Variants in SUPT3H observed in about 807,000 individuals in gnomAD.
SUPT3H encodes the protein transcription initiation protein SPT3 homolog.
Under a neutral mutation model 44.3 loss-of-function variants are expected in SUPT3H, and 44 were observed. The observed-to-expected ratio is 0.99, with a 90% CI of 0.78 to 1.28. SUPT3H has a LOEUF of 1.28. Among genes scored for constraint, SUPT3H ranks in the 50% most tolerant of loss-of-function variants. The pLI is 0.00. For missense variants in SUPT3H, 380 were observed against 387.1 expected (o/e 0.98, Z 0.15); for synonymous variants, 124 against 125.6 (o/e 0.99, Z 0.09).
chr6:44,889,634 C>T lies in SUPT3H; in HGVS notation c.912+43019G>A, dbSNP rs574510553. Among the ~76,000 whole-genome samples the T allele has an allele frequency of 4.6e-4, 70 of 152,232 alleles. 1 individual carries two copies. In the South Asian group the frequency reaches 7.5e-3, roughly 16 times the overall value. ...ATTCAAGATGGATTAAAGACTTAAA[C>T]GTTAGACCTAAAACCATAAAAACCC... On this transcript the variant is annotated intron_variant, in intron 10 of 10. Transcript: ENST00000371459.
At chr6:45,210,402 C>G (rs1238935188) in intron 2 of SUPT3H, among the ~76,000 whole-genome samples, 1 of 152,174 alleles carries the variant, frequency 6.6e-6, no homozygotes, top group African/African-American at 2.4e-5. Flanking sequence ...GCATAAGTGA[C>G]TATTCCTCTA....
At chr6:45,178,937 G>C (rs1313763722) in intron 2 of SUPT3H, among the ~76,000 whole-genome samples, 5 of 151,614 alleles carry the variant, frequency 3.3e-5, no homozygotes, top group Non-Finnish European at 7.4e-5. Flanking sequence ...GAAATTTATA[G>C]CACTAAATGC....
intron 1 of SUPT3H, among the ~76,000 whole-genome samples, chr6:45,370,355 G>C (rs1199216974): frequency 6.6e-6 from 1 of 152,020 alleles, no homozygotes; most frequent in Non-Finnish European, 1.5e-5. Flanking sequence ...GTTGAATGGT[G>C]GTGCCATTTA....
chr6:45,115,839 A>G (rs1800765253), intron 2 of SUPT3H, among the ~76,000 whole-genome samples: 1 of 152,194 alleles, frequency 6.6e-6, no homozygotes, highest in Non-Finnish European at 1.5e-5. Context: ...AGAATTTTCA[A>G]AGTTCCCACA....
At chr6:44,930,911 A>C (rs1276902545) in intron 10 of SUPT3H, among the ~76,000 whole-genome samples, 10 of 152,192 alleles carry the variant, frequency 6.6e-5, no homozygotes, top group African/African-American at 2.4e-4. Context: ...CTTAAAGTGC[A>C]TTTTTATCAT....
chr6:45,129,459 G>A (rs1261963520), intron 2 of SUPT3H, among the ~76,000 whole-genome samples: 1 of 152,054 alleles, frequency 6.6e-6, no homozygotes, highest in Non-Finnish European at 1.5e-5. Flanking sequence ...CAAATTCTTG[G>A]TTTCCTTGTG....
At chr6:44,935,506 G>T (rs1284937155) in intron 9 of SUPT3H, among the ~76,000 whole-genome samples, 1 of 152,060 alleles carries the variant, frequency 6.6e-6, no homozygotes, top group African/African-American at 2.4e-5. Flanking sequence ...ACAAAATACT[G>T]AGTCCTGTTT....
At position 45,011,801 on chromosome 6, in the gene SUPT3H, T is replaced by G. The variant is rs976503797; in HGVS notation, c.364+3000A>C. Among the ~76,000 whole-genome samples the G allele has an allele frequency of 2.2e-4, 33 of 152,250 alleles. 1 individual carries two copies. Among genetic ancestry groups the G allele is most frequent in the Non-Finnish European group, 3.2e-4 (22 of 67,992 alleles). On this transcript the variant is annotated intron_variant, in intron 5 of 10. Transcript: ENST00000371459. Reference sequence around the variant, plus strand: ...ATGTACTTAATTATCTTTATAAATGTGTGGATTCAAATTATTTGGTGCAGC... The same window carrying G: ...ATGTACTTAATTATCTTTATAAATGGGTGGATTCAAATTATTTGGTGCAGC...
Position 44,953,415 on chromosome 6 carries a change from T to C in SUPT3H, c.696A>G (p.Leu232=). The C allele has an allele frequency of 1.9e-6, 3 of 1,613,108 alleles. No individual in the cohort carries two copies. Among genetic ancestry groups the C allele is most frequent in the Non-Finnish European group, 2.5e-6 (3 of 1,179,120 alleles). ...AYLAYETVAQ[L]VDLALLVRQD... is the part of the protein sequence containing the mutation. ...GCCTCACAAGAAGAGCCAGATCCAC[T>C]AACTAGAAGACCAGAAGAATGAAAG... The change falls in exon 9 of 11, where the codon TTA becomes TTG. Residue 232 remains leucine, a splice_region_variant and synonymous_variant. Coordinates refer to ENST00000371459, the MANE Select transcript of SUPT3H (RefSeq NM_003599.4).
At chr6:44,993,937 C>T (rs1780932238) in intron 6 of SUPT3H, among the ~76,000 whole-genome samples, 3 of 152,114 alleles carry the variant, frequency 2.0e-5, no homozygotes, top group African/African-American at 7.2e-5. Flanking sequence ...GAAGCTAATT[C>T]AATGACCCTG....
At position 45,334,624 on chromosome 6, in the gene SUPT3H, C is replaced by T. The variant is rs146734546; in HGVS notation, c.101+30577G>A. ...TGTATTTTTACACCGAAACAAAATA[C>T]GTGTCATATATGTTCAACTTAAATT... On this transcript the variant is annotated intron_variant, in intron 2 of 10. Coordinates refer to ENST00000371459, the MANE Select transcript of SUPT3H (RefSeq NM_003599.4). Among the ~76,000 whole-genome samples, 395 of 151,100 alleles carry T rather than the reference C, an allele frequency of 2.6e-3. 3 individuals are homozygous for T. Among genetic ancestry groups the T allele is most frequent in the African/African-American group, 8.7e-3 (359 of 41,426 alleles).
chr6:44,921,820 T>C (rs539178560), intron 10 of SUPT3H, among the ~76,000 whole-genome samples: 6 of 152,352 alleles, frequency 3.9e-5, no homozygotes, highest in Non-Finnish European at 7.3e-5. Context: ...TAGGCCAGGC[T>C]GTGAACTTCT....
chr6:45,377,743 C>T (rs73444688), intron 1 of SUPT3H, 25 bp downstream of exon 1: 26,029 of 152,298 alleles, frequency 0.17, 3,333 homozygotes, highest in African/African-American at 0.36. Flanking sequence ...CGAATCCCCG[C>T]ACCGCCCCCC....
rs369820995 is a variant in SUPT3H, at chr6:45,312,689, G to C, written c.101+52512C>G. Among the ~76,000 whole-genome samples, 9 of 136,604 alleles carry C rather than the reference G, an allele frequency of 6.6e-5. 1 individual carries two copies. Among genetic ancestry groups the C allele is most frequent in the East Asian group, 2.3e-4 (1 of 4,280 alleles). 89.6% of individuals were successfully genotyped at this position (136,604 alleles called of 152,430 possible). On this transcript the variant is annotated intron_variant, in intron 2 of 10. Coordinates refer to ENST00000371459, the MANE Select transcript of SUPT3H (RefSeq NM_003599.4). Reference sequence around the variant, plus strand: ...GACAGCAACACAATAATGTGGGGGGGGGGGGGGACTTCAATACTCCACTGA... The same window carrying C: ...GACAGCAACACAATAATGTGGGGGGCGGGGGGGACTTCAATACTCCACTGA...
At chr6:45,019,975 A>G (rs1159942543) in intron 4 of SUPT3H, among the ~76,000 whole-genome samples, 1 of 152,016 alleles carries the variant, frequency 6.6e-6, no homozygotes, top group Non-Finnish European at 1.5e-5. Context: ...GCAAAATTAG[A>G]CACACAAATA....
At chr6:45,003,337 GA>G (rs1370262352) in intron 6 of SUPT3H, among the ~76,000 whole-genome samples, 1 of 152,104 alleles carries the variant, frequency 6.6e-6, no homozygotes, top group Non-Finnish European at 1.5e-5. Context: ...TTTGAAACAA[GA>G]AAGGTAAATA....
rs144453211 is a variant in SUPT3H at position 45,241,421 on chromosome 6, G to C, written c.101+123780C>G. Among the ~76,000 whole-genome samples the C allele has an allele frequency of 1.4e-4, 21 of 152,322 alleles. No individual in the cohort carries two copies. In the East Asian group the frequency reaches 4.1e-3, roughly 29 times the overall value. On this transcript the variant is annotated intron_variant, in intron 2 of 10. Coordinates refer to ENST00000371459, the MANE Select transcript of SUPT3H (RefSeq NM_003599.4). Reference sequence around the variant, plus strand: ...ATGGCATGAGCAATCTGTGCCTTAAGGACATGTTTCTGCTGCAGGAAACTA... The same window carrying C: ...ATGGCATGAGCAATCTGTGCCTTAACGACATGTTTCTGCTGCAGGAAACTA...
At chr6:45,144,839 G>A (rs982423379) in intron 2 of SUPT3H, among the ~76,000 whole-genome samples, 3 of 151,984 alleles carry the variant, frequency 2.0e-5, no homozygotes, top group East Asian at 1.9e-4. Context: ...GATACAAAAC[G>A]AATGTACACA....
chr6:45,306,309 C>A (rs1486356588), intron 2 of SUPT3H, among the ~76,000 whole-genome samples: 2 of 152,212 alleles, frequency 1.3e-5, no homozygotes, highest in Non-Finnish European at 2.9e-5. Context: ...ACCTTAGCAG[C>A]CATTGTCACC....
Sources: allele counts gnomAD v4.1 joint callset (sites outside exome capture counted in the v4.1 genomes callset), GRCh38; gene constraint gnomAD v4.1.1; transcripts MANE v1.5; gene names NCBI Gene and HGNC (gene_info 2026-07-23, HGNC 2026-07-21).